Variants in PDZD2 observed in about 807,000 individuals in gnomAD.
PDZD2 encodes the protein PDZ domain-containing protein 2.
PDZD2 carries 90 observed loss-of-function variants against 220.7 expected under a neutral mutation model. That is an observed-to-expected ratio of 0.41 (90% CI 0.34 to 0.49). PDZD2 has a LOEUF of 0.49. PDZD2 is among the 20% of genes least tolerant of loss of function. The pLI is 0.28. For synonymous variants in PDZD2, 1,375 were observed against 1,450.5 expected, an observed-to-expected ratio of 0.95 and a Z score of 1.18; for missense variants, 3,174 against 3,608.5, an observed-to-expected ratio of 0.88 and a Z score of 3.08.
chr5:31,936,320 C>T (rs1056221780), intron 2 of PDZD2: 68 of 987,390 alleles, frequency 6.9e-5, no homozygotes, highest in East Asian at 3.4e-4. Flanking sequence ...CAGCAGAGCA[C>T]GCTCACCTGA....
intron 1 of PDZD2, among the ~76,000 whole-genome samples, chr5:31,728,054 G>T (rs1749286156): frequency 6.6e-6 from 1 of 151,032 alleles, no homozygotes; most frequent in Admixed American, 6.6e-5. Context: ...GACCACCTAT[G>T]GGCATGTGCT....
intron 2 of PDZD2, among the ~76,000 whole-genome samples, chr5:31,814,966 G>A (rs1037905344): frequency 3.9e-5 from 6 of 151,938 alleles, no homozygotes; most frequent in Non-Finnish European, 7.4e-5. Flanking sequence ...GGCAAGGCCG[G>A]GGGCGGTGGC....
chr5:31,781,284 C>T (rs1408304459), intron 1 of PDZD2, among the ~76,000 whole-genome samples: 1 of 152,166 alleles, frequency 6.6e-6, no homozygotes, highest in South Asian at 2.1e-4. Context: ...TGTGGTGGTG[C>T]ACGTCTGTAA....
chr5:31,751,718 C>A (rs556807984), intron 1 of PDZD2, among the ~76,000 whole-genome samples: 1 of 152,134 alleles, frequency 6.6e-6, no homozygotes, highest in African/African-American at 2.4e-5. Context: ...TAACACTGAG[C>A]CTGCCCCCCA....
chr5:31,834,814 C>A (rs1015279964), intron 2 of PDZD2, among the ~76,000 whole-genome samples: 12 of 151,840 alleles, frequency 7.9e-5, no homozygotes, highest in Non-Finnish European at 1.6e-4. Context: ...AGCACACCAA[C>A]ATGGCACATG....
chr5:31,923,528 G>A, intron 2 of PDZD2: 1 of 899,352 alleles, frequency 1.1e-6, no homozygotes, highest in Admixed American at 1.7e-5. Context: ...GCCTACTTTG[G>A]GGATAAAGGA....
chr5:32,091,413 T>C (rs1416064451), intron 20 of PDZD2, among the ~76,000 whole-genome samples: 3 of 151,242 alleles, frequency 2.0e-5, no homozygotes, highest in African/African-American at 7.3e-5. Flanking sequence ...GCCTCCTGAG[T>C]AGCTGGGATT....
chr5:31,852,898 A>G (rs1758143611), intron 2 of PDZD2, among the ~76,000 whole-genome samples: 1 of 152,284 alleles, frequency 6.6e-6, no homozygotes, highest in Non-Finnish European at 1.5e-5. Context: ...CGCCTGGCCC[A>G]TACATTTACT....
intron 1 of PDZD2, among the ~76,000 whole-genome samples, chr5:31,761,120 G>A (rs768487128): frequency 6.6e-6 from 1 of 152,054 alleles, no homozygotes; most frequent in Non-Finnish European, 1.5e-5. Context: ...GGAAAGGTGG[G>A]GGTTGAACTG....
At chr5:31,842,019 T>G (rs140478516) in intron 2 of PDZD2, among the ~76,000 whole-genome samples, 2 of 152,100 alleles carry the variant, frequency 1.3e-5, no homozygotes, top group African/African-American at 2.4e-5. Context: ...AAAGATTAAA[T>G]GAGGATCTGC....
chr5:31,710,544 G>A (rs6888268), intron 1 of PDZD2, among the ~76,000 whole-genome samples: 80,085 of 151,940 alleles, frequency 0.53, 21,355 homozygotes, highest in African/African-American at 0.6. Context: ...ATGGCCAGGC[G>A]TGGTGGCTCA....
In PDZD2 at chr5:32,000,612, G is replaced by A. The variant is rs1036284100; in HGVS notation, c.1254+341G>A. Among the ~76,000 whole-genome samples the A allele has an allele frequency of 2.6e-5, 4 of 152,148 alleles. No individual in the cohort carries two copies. The highest frequency in any genetic ancestry group is 9.7e-5 in the African/African-American group (4 of 41,430). ...CGCAACCTCCACCTTCCGGATTCAA[G>A]CAGTTCTCCTGCCTCAGCCTCCCAA... On this transcript the variant is annotated intron_variant, in intron 5 of 24. Coordinates refer to ENST00000438447, the MANE Select transcript of PDZD2 (RefSeq NM_178140.4). This position sits in a 1 kb window ranked among gnomAD's most constrained non-coding sequence, Gnocchi z 4.5.
At chr5:31,766,976 C>T (rs968054248) in intron 1 of PDZD2, among the ~76,000 whole-genome samples, 1 of 151,026 alleles carries the variant, frequency 6.6e-6, no homozygotes, top group Non-Finnish European at 1.5e-5. Flanking sequence ...GATCCACCCA[C>T]CTGCCTCCCA....
At chr5:31,840,446 A>ATATATATTTATT (rs1561499439) in intron 2 of PDZD2, 1 of 69,136 alleles carries the variant, frequency 1.4e-5, no homozygotes, top group African/African-American at 6.3e-5. Flanking sequence ...ATATATATAT[A>ATATATATTTATT]TATTTGTTTA....
intron 15 of PDZD2, among the ~76,000 whole-genome samples, chr5:32,070,767 G>A (rs576517105): frequency 6.6e-6 from 1 of 152,352 alleles, no homozygotes; most frequent in African/African-American, 2.4e-5. Flanking sequence ...AGGCCAAGGC[G>A]GGCAGATCAC....
chr5:31,903,389 A>G (rs1742287561), intron 2 of PDZD2, among the ~76,000 whole-genome samples: 1 of 151,998 alleles, frequency 6.6e-6, no homozygotes. Flanking sequence ...GCTGACACCT[A>G]TAATCCAAAC....
intron 1 of PDZD2, among the ~76,000 whole-genome samples, chr5:31,666,635 T>C (rs993010251): frequency 7.9e-5 from 12 of 152,164 alleles, no homozygotes; most frequent in African/African-American, 2.2e-4. Flanking sequence ...GCTAACCCCA[T>C]TGGGACAGAA....
intron 2 of PDZD2, among the ~76,000 whole-genome samples, chr5:31,869,827 C>T (rs7724288): frequency 0.12 from 18,106 of 152,078 alleles, 1,867 homozygotes; most frequent in African/African-American, 0.28. Context: ...TTAATTCCTG[C>T]TGTCGGCTCG....
intron 1 of PDZD2, among the ~76,000 whole-genome samples, chr5:31,702,846 A>G (rs1747662086): frequency 6.6e-6 from 1 of 152,240 alleles, no homozygotes; most frequent in Non-Finnish European, 1.5e-5. Flanking sequence ...AACAAGAGAC[A>G]TGTGTTTTTA....
Sources: allele counts gnomAD v4.1 joint callset (sites outside exome capture counted in the v4.1 genomes callset), GRCh38; gene constraint gnomAD v4.1.1; non-coding constraint Gnocchi (gnomAD v3.1); transcripts MANE v1.5; gene names NCBI Gene and HGNC (gene_info 2026-07-23, HGNC 2026-07-21).